Variants in ARHGAP8 observed in about 807,000 individuals in gnomAD.
ARHGAP8 encodes the protein Rho GTPase activating protein 8.
Under a neutral mutation model 46.1 loss-of-function variants are expected in ARHGAP8, and 62 were observed. The observed-to-expected ratio is 1.34, with a 90% CI of 1.10 to 1.66. The LOEUF is 1.66. Among genes scored for constraint, ARHGAP8 ranks in the 40% most tolerant of loss-of-function variants. ARHGAP8 has a pLI of 0.00. For synonymous variants in ARHGAP8, 375 were observed against 243.1 expected, an observed-to-expected ratio of 1.54 and a Z score of -5.05; for missense variants, 923 against 568.4, an observed-to-expected ratio of 1.62 and a Z score of -6.34.
intron 6 of ARHGAP8, among the ~76,000 whole-genome samples, chr22:44,824,228 C>T (rs1930348741): frequency 6.6e-6 from 1 of 152,186 alleles, no homozygotes; most frequent in Non-Finnish European, 1.5e-5. Context: ...GTTTCCCAAT[C>T]TGTAAAGTAG....
chr22:44,811,366 C>G (rs1343367941), intron 4 of ARHGAP8, among the ~76,000 whole-genome samples: 3 of 152,238 alleles, frequency 2.0e-5, no homozygotes, highest in Non-Finnish European at 2.9e-5. Flanking sequence ...GCTGTCAGAG[C>G]TCTCACATTG....
intron 2 of ARHGAP8, among the ~76,000 whole-genome samples, chr22:44,794,671 C>T (rs1176349052): frequency 6.6e-6 from 1 of 152,070 alleles, no homozygotes; most frequent in Non-Finnish European, 1.5e-5. Context: ...GATTGGGCCA[C>T]TGCACTCCAG....
At position 44,862,501 on chromosome 22, in the gene ARHGAP8, C is replaced by T. The variant is rs367662795; in HGVS notation, c.1208C>T (p.Pro403Leu). The change falls in exon 12 of 12, where the codon CCT (proline) becomes CTT (leucine). Residue 403 changes from proline (P) to leucine (L), a missense_variant. Pro to Leu is a moderately conservative substitution (Grantham distance 98). Transcript: ENST00000356099. ...APWEQGSRAA[P>L]LQEAVPRTQA... ...TGGGAACAGGGGAGCAGGGCAGCCC[C>T]TTTGCAGGAGGCTGTGCCACGGACA... The T allele has an allele frequency of 1.2e-6, 2 of 1,613,560 alleles. No individual in the cohort carries two copies. The highest frequency in any genetic ancestry group is 1.1e-5 in the South Asian group (1 of 91,064).
intron 10 of ARHGAP8, 105 bp from the exon 11 acceptor site, chr22:44,859,626 A>T (rs1485845527): frequency 6.4e-6 from 8 of 1,250,102 alleles, no homozygotes; most frequent in Non-Finnish European, 9.1e-6. Context: ...GGGATAGTCC[A>T]TCCTCAGAGC....
chr22:44,858,542 T>TTTTTTTTTC, intron 10 of ARHGAP8, among the ~76,000 whole-genome samples: 1 of 132,160 alleles, frequency 7.6e-6, no homozygotes, highest in African/African-American at 3.1e-5. Flanking sequence ...GCTTTTTTTT[T>TTTTTTTTTC]TTTTTTTTTA....
rs1569155686 is a variant in ARHGAP8, at chr22:44,808,381, GC to G, written c.244del (p.Arg82GlyfsTer24). The G allele has an allele frequency of 1.2e-6, 2 of 1,614,252 alleles. No homozygotes were observed. The highest frequency in any genetic ancestry group is 3.3e-5 in the Admixed American group (2 of 60,032). On this transcript the variant is annotated frameshift_variant, in exon 4 of 12. Coordinates refer to ENST00000356099, the MANE Select transcript of ARHGAP8 (RefSeq NM_181335.3). LOFTEE classifies it high-confidence loss of function. The part of the protein sequence containing the change: ...TIVYFHYGLN[S>X]RNKPSLGWLQ... The stretch of plus-strand genomic sequence containing the variant: ...GTCTATTTCCACTACGGGCTGAACA[GC>G]CGGAACAAGCCTTCCCTGGGCTGGC...
chr22:44,819,374 A>G (rs1180452307), intron 5 of ARHGAP8, among the ~76,000 whole-genome samples: 2 of 152,160 alleles, frequency 1.3e-5, no homozygotes, highest in African/African-American at 4.8e-5. Context: ...GCCCTGATTT[A>G]AAATGTTTTT....
At chr22:44,827,634 C>T (rs136669) in intron 7 of ARHGAP8, among the ~76,000 whole-genome samples, 92,739 of 151,880 alleles carry the variant, frequency 0.61, 29,176 homozygotes, top group Non-Finnish European at 0.68. Context: ...TGAGCCACCT[C>T]GCCTGGCCCA....
intron 1 of ARHGAP8, among the ~76,000 whole-genome samples, chr22:44,775,020 CAG>C (rs1569138440): frequency 1.3e-5 from 2 of 151,486 alleles, no homozygotes; most frequent in African/African-American, 4.9e-5. Context: ...TTAGTAGAGA[CAG>C]AGTTTTGCCA....
intron 1 of ARHGAP8, among the ~76,000 whole-genome samples, chr22:44,764,292 C>T (rs995995334): frequency 6.6e-6 from 1 of 152,128 alleles, no homozygotes; most frequent in African/African-American, 2.4e-5. Flanking sequence ...GTAGCAAATG[C>T]TGGAAAAATG....
At chr22:44,807,148 G>A (rs1928988093) in intron 3 of ARHGAP8, among the ~76,000 whole-genome samples, 1 of 152,096 alleles carries the variant, frequency 6.6e-6, no homozygotes, top group East Asian at 1.9e-4. Context: ...GTGGGGCCAC[G>A]TGGGTGGGTT....
At chr22:44,849,234 G>A in intron 10 of ARHGAP8, 174 bp downstream of exon 10, 1 of 1,234,794 alleles carries the variant, frequency 8.1e-7, no homozygotes, top group Non-Finnish European at 1.1e-6. Flanking sequence ...CCCCCACCAT[G>A]CACAGCCAGT....
intron 10 of ARHGAP8, 112 bp from the exon 11 acceptor site, chr22:44,859,619 A>G: frequency 1.7e-6 from 2 of 1,166,126 alleles, no homozygotes; most frequent in African/African-American, 1.5e-5. Context: ...CAAATGTGGG[A>G]TAGTCCATCC....
chr22:44,858,178 G>C (rs116062872), intron 10 of ARHGAP8, among the ~76,000 whole-genome samples: 1,811 of 152,334 alleles, frequency 0.012, 45 homozygotes, highest in African/African-American at 0.042. Context: ...TGTCCTGGCA[G>C]TGGGTGTTTG....
At chr22:44,816,842 G>A (rs566014763) in intron 5 of ARHGAP8, among the ~76,000 whole-genome samples, 10 of 148,242 alleles carry the variant, frequency 6.7e-5, no homozygotes, top group African/African-American at 1.2e-4. Flanking sequence ...CCTGCCAGGC[G>A]GCTTGGAGCC....
At chr22:44,814,876 A>C in intron 5 of ARHGAP8, 118 bp downstream of exon 5, 1 of 1,232,906 alleles carries the variant, frequency 8.1e-7, no homozygotes. Context: ...GTGCCTGTGT[A>C]TCTGGGGCTC....
At chr22:44,820,412 C>T (rs947222396) in intron 5 of ARHGAP8, among the ~76,000 whole-genome samples, 8 of 152,194 alleles carry the variant, frequency 5.3e-5, no homozygotes, top group Admixed American at 1.3e-4. Context: ...ACTCCCTTTG[C>T]CCTTAGTGGG....
intron 5 of ARHGAP8, among the ~76,000 whole-genome samples, chr22:44,815,972 G>A (rs564235755): frequency 1.2e-4 from 18 of 152,292 alleles, no homozygotes; most frequent in African/African-American, 3.9e-4. Flanking sequence ...TGCACCAGAC[G>A]GGTCAGGATA....
intron 1 of ARHGAP8, among the ~76,000 whole-genome samples, chr22:44,766,899 C>T (rs575914356): frequency 5.9e-5 from 8 of 135,676 alleles, no homozygotes; most frequent in African/African-American, 1.3e-4. Flanking sequence ...TTGGGGAGGC[C>T]TTGGGGTGGG....
Sources: allele counts gnomAD v4.1 joint callset (sites outside exome capture counted in the v4.1 genomes callset), GRCh38; gene constraint gnomAD v4.1.1; transcripts MANE v1.5; gene names NCBI Gene and HGNC (gene_info 2026-07-23, HGNC 2026-07-21).